Variants in HS6ST2 observed in about 807,000 individuals in gnomAD.
HS6ST2 encodes heparan sulfate 6-O-sulfotransferase 2, also known as heparan-sulfate 6-O-sulfotransferase 2.
Under a neutral mutation model 33.0 loss-of-function variants are expected in HS6ST2, and 17 were observed. That is an observed-to-expected ratio of 0.52 (90% CI 0.35 to 0.77). The LOEUF is 0.77. Among genes scored for constraint, HS6ST2 ranks in the 30% least tolerant of loss-of-function variants. The probability of loss-of-function intolerance (pLI) is 0.01; values close to 1 mark genes in which losing one functional copy is unlikely to be tolerated. For synonymous variants in HS6ST2, 248 were observed against 237.1 expected (o/e 1.05, Z -0.42); for missense variants, 519 against 551.7 (o/e 0.94, Z 0.59).
intron 2 of HS6ST2, among the ~76,000 whole-genome samples, chrX:132,849,074 G>A (rs1433786532): frequency 1.8e-5 from 2 of 111,435 alleles, no homozygotes; most frequent in South Asian, 3.8e-4. Context: ...GATAAAGCTC[G>A]GCAAGCCAAT....
chrX:132,772,804 TATA>T (rs1194614919), intron 2 of HS6ST2, among the ~76,000 whole-genome samples: 3 of 91,411 alleles, frequency 3.3e-5, no homozygotes, highest in African/African-American at 8.2e-5. Flanking sequence ...TAATATAAAA[TATA>T]ATATATATTA....
At chrX:132,956,023 G>C (rs895854074) in intron 2 of HS6ST2, among the ~76,000 whole-genome samples, 2 of 110,180 alleles carry the variant, frequency 1.8e-5, no homozygotes, top group Admixed American at 9.5e-5. Context: ...TCCGCGGGGT[G>C]CCCCCCGCCA....
At chrX:132,665,782 C>T (rs2063805313) in intron 4 of HS6ST2, among the ~76,000 whole-genome samples, 1 of 109,854 alleles carries the variant, frequency 9.1e-6, no homozygotes, top group African/African-American at 3.3e-5. Flanking sequence ...CAATTTGGCT[C>T]ACTGTTGGCA....
chrX:132,749,629 C>G (rs1259958790), intron 2 of HS6ST2, among the ~76,000 whole-genome samples: 2 of 111,793 alleles, frequency 1.8e-5, no homozygotes, highest in African/African-American at 6.5e-5. Flanking sequence ...CCGCAGGCCA[C>G]GTGCTTATGG....
chrX:132,902,946 T>C (rs2066438332), intron 2 of HS6ST2, among the ~76,000 whole-genome samples: 1 of 111,888 alleles, frequency 8.9e-6, no homozygotes. Context: ...CTGGAAGTTT[T>C]AGGTAGGCCA....
intron 2 of HS6ST2, among the ~76,000 whole-genome samples, chrX:132,954,852 G>A (rs1377240545): frequency 1.8e-5 from 2 of 112,069 alleles, no homozygotes. Flanking sequence ...AATCCAAGAG[G>A]CTTTGAGGGG....
At chrX:132,863,077 C>T (rs1471081605) in intron 2 of HS6ST2, among the ~76,000 whole-genome samples, 3 of 111,661 alleles carry the variant, frequency 2.7e-5, no homozygotes, top group African/African-American at 9.8e-5. Flanking sequence ...GCAGAACAAC[C>T]TCTCCTGGAA....
At chrX:132,699,695 A>G (rs1182268648) in intron 3 of HS6ST2, among the ~76,000 whole-genome samples, 1 of 111,945 alleles carries the variant, frequency 8.9e-6, no homozygotes, top group Non-Finnish European at 1.9e-5. Flanking sequence ...TTTCCCCTGC[A>G]CAGGTTCAGA....
At chrX:132,943,128 T>A (rs1335992246) in intron 2 of HS6ST2, among the ~76,000 whole-genome samples, 1 of 112,110 alleles carries the variant, frequency 8.9e-6, no homozygotes, top group Non-Finnish European at 1.9e-5. Context: ...TTTATTAAAT[T>A]TTTAAAAGGT....
intron 2 of HS6ST2, among the ~76,000 whole-genome samples, chrX:132,756,820 GGTGTGTGTGT>G (rs3065679): frequency 8.2e-5 from 8 of 97,327 alleles, no homozygotes; most frequent in Non-Finnish European, 1.0e-4. Context: ...CCCTGTGCAT[GGTGTGTGTGT>G]GTGTGTGTGT....
intron 3 of HS6ST2, among the ~76,000 whole-genome samples, chrX:132,699,395 T>C (rs1434337019): frequency 8.9e-6 from 1 of 111,952 alleles, no homozygotes; most frequent in African/African-American, 3.2e-5. Flanking sequence ...TCTGCTCATA[T>C]AGAGAGGAAT....
chrX:132,954,987 A>C (rs753677392), intron 2 of HS6ST2, among the ~76,000 whole-genome samples: 2 of 111,919 alleles, frequency 1.8e-5, no homozygotes, highest in African/African-American at 6.5e-5. Context: ...ACATGTTCAA[A>C]AGGATCAGTA....
chrX:132,643,939 C>T (rs770952021), intron 4 of HS6ST2, among the ~76,000 whole-genome samples: 2 of 111,703 alleles, frequency 1.8e-5, no homozygotes, highest in Non-Finnish European at 3.8e-5. Context: ...TTGCGTGCTG[C>T]GTGAGCCACC....
intron 2 of HS6ST2, among the ~76,000 whole-genome samples, chrX:132,860,777 C>CTTTTTTTTTTTTTTTTTTTTTT (rs58059164): frequency 3.8e-5 from 2 of 52,896 alleles, no homozygotes; most frequent in African/African-American, 9.1e-5. Flanking sequence ...GCATGTGTAT[C>CTTTTTTTTTTTTTTTTTTTTTT]TTTTTTTTTT....
chrX:132,687,106 TG>T (rs1301712998), intron 3 of HS6ST2, among the ~76,000 whole-genome samples: 2 of 112,012 alleles, frequency 1.8e-5, no homozygotes, highest in African/African-American at 6.5e-5. Context: ...TCCTCTGTTG[TG>T]ACCATTGTAT....
At chrX:132,786,827 G>A (rs1220485713) in intron 2 of HS6ST2, among the ~76,000 whole-genome samples, 1 of 108,316 alleles carries the variant, frequency 9.2e-6, no homozygotes, top group Non-Finnish European at 1.9e-5. Context: ...TCACCATGTT[G>A]GTCAGGCTGG....
At chrX:132,757,572 G>A (rs183174927) in intron 2 of HS6ST2, among the ~76,000 whole-genome samples, 2 of 108,901 alleles carry the variant, frequency 1.8e-5, no homozygotes, top group East Asian at 2.8e-4. Context: ...GGAGAGAAAC[G>A]AGGGGAGCTC....
chrX:132,704,482 A>T (rs1366496972), intron 3 of HS6ST2, among the ~76,000 whole-genome samples: 3 of 111,071 alleles, frequency 2.7e-5, no homozygotes, highest in Non-Finnish European at 3.8e-5. Context: ...TGAACCCAGG[A>T]GGCGGAGGTT....
rs184040091 is a variant in HS6ST2 at position 132,826,232 on chromosome X, T to C, written c.948-117738A>G. Among the ~76,000 whole-genome samples, 656 of 112,378 alleles carry C rather than the reference T, an allele frequency of 5.8e-3. 2 individuals are homozygous for C. The highest frequency in any genetic ancestry group is 0.013 in the South Asian group (34 of 2,719). On this transcript the variant is annotated intron_variant, in intron 2 of 4. Transcript: ENST00000370833. Reference sequence around the variant, plus strand: ...TGGGACCAATAAACATACAGAGTCATTTTTTGTTTTGGTTTTGGTTTTGCC... The same window carrying C: ...TGGGACCAATAAACATACAGAGTCACTTTTTGTTTTGGTTTTGGTTTTGCC...
Sources: gnomAD v4.1 joint callset for allele counts (sites outside exome capture counted in the v4.1 genomes callset) on GRCh38, gnomAD v4.1.1 for gene constraint, MANE v1.5 for transcripts, NCBI Gene and HGNC (gene_info 2026-07-23, HGNC 2026-07-21) for gene names.